Variants in C2orf49 observed in about 807,000 individuals in gnomAD.
C2orf49 encodes the protein tRNA-splicing ligase complex subunit ASW.
Under a neutral mutation model 20.6 loss-of-function variants are expected in C2orf49, and 11 were observed. The observed-to-expected ratio is 0.53, with a 90% confidence interval of 0.34 to 0.88. C2orf49 has a LOEUF of 0.88. Ranked by LOEUF, C2orf49 falls within the 40% of genes least tolerant of loss-of-function variation. The pLI is 0.02. For missense variants in C2orf49, 289 were observed against 274.2 expected (o/e 1.05, Z -0.38); for synonymous variants, 134 against 108.5 (o/e 1.24, Z -1.46).
At chr2:105,340,250 A>G (rs912403992) in intron 2 of C2orf49, among the ~76,000 whole-genome samples, 2 of 152,206 alleles carry the variant, frequency 1.3e-5, no homozygotes, top group African/African-American at 4.8e-5. Flanking sequence ...AAGTCATTGT[A>G]AGGACTTTGG....
downstream of C2orf49, among the ~76,000 whole-genome samples, chr2:105,354,051 C>T (rs1294802762): frequency 6.6e-6 from 1 of 152,168 alleles, no homozygotes; most frequent in East Asian, 1.9e-4. Flanking sequence ...ACATATACCT[C>T]GGGCTTCATT....
At chr2:105,375,646 T>C in the C2orf49 span, 1 of 152,100 alleles carries the variant, frequency 6.6e-6, no homozygotes, top group African/African-American at 2.4e-5. Context: ...GAGCATAGAG[T>C]GCTCTCAAAG....
At chr2:105,374,154 A>T in the C2orf49 span, 6 of 255,810 alleles carry the variant, frequency 2.3e-5, no homozygotes, top group Non-Finnish European at 4.6e-5. Flanking sequence ...CACTGTGGTC[A>T]CCGGCATGGC....
chr2:105,339,743 C>T lies in C2orf49; in HGVS notation c.260C>T (p.Thr87Ile), dbSNP rs1679615875. 3.8e-6 allele frequency: 6 copies of T among 1,584,450 alleles called. No individual in the cohort carries two copies. Among genetic ancestry groups the T allele is most frequent in the Non-Finnish European group, 5.1e-6 (6 of 1,171,456 alleles). ...KREQHEIKNETKRSSTVDGLR... is the reference protein window; with the variant it reads ...KREQHEIKNEIKRSSTVDGLR... ...GAACAACATGAGATTAAAAATGAGA[C>T]TAAAAGGTACTTTTTGGTGGTTCTA... Residue 87 changes from threonine to isoleucine, a missense_variant, in exon 2 of 4, where the codon ACT (threonine) becomes ATT (isoleucine). Coordinates refer to ENST00000258457, the MANE Select transcript of C2orf49 (RefSeq NM_024093.3).
At chr2:105,349,496 A>G (rs897356978), downstream of C2orf49, among the ~76,000 whole-genome samples, 1 of 152,178 alleles carries the variant, frequency 6.6e-6, no homozygotes, top group African/African-American at 2.4e-5. Context: ...AGTGCATTTT[A>G]CTAACTAAAG....
chr2:105,374,109 C>T, the C2orf49 span: 430 of 301,062 alleles, frequency 1.4e-3, 4 homozygotes, highest in African/African-American at 8.7e-3. Context: ...GACTGCAGGA[C>T]ATCCTTGGCT....
the C2orf49 span, chr2:105,359,353 T>C: frequency 6.6e-6 from 1 of 152,334 alleles, no homozygotes. Context: ...GATGAAATTA[T>C]TCTTTTTAAG....
intron 2 of C2orf49, among the ~76,000 whole-genome samples, chr2:105,341,175 C>T (rs1303307309): frequency 3.9e-5 from 6 of 152,166 alleles, no homozygotes; most frequent in Non-Finnish European, 8.8e-5. Context: ...TTTACTTTTG[C>T]TGTTATTCAG....
At chr2:105,366,676 CCTTT>C in the C2orf49 span, among the ~76,000 whole-genome samples, 12 of 152,198 alleles carry the variant, frequency 7.9e-5, no homozygotes, top group African/African-American at 2.9e-4. Context: ...TATGCAGTTC[CCTTT>C]CTTTCTTTAA....
chr2:105,367,883 A>T, the C2orf49 span: 2 of 731,562 alleles, frequency 2.7e-6, no homozygotes, highest in South Asian at 4.1e-5. Context: ...CTCTACATGG[A>T]GGTAATTCCT....
downstream of C2orf49, among the ~76,000 whole-genome samples, chr2:105,353,183 G>T (rs1268948711): frequency 6.6e-6 from 1 of 151,996 alleles, no homozygotes; most frequent in Non-Finnish European, 1.5e-5. Flanking sequence ...TGTGATAATG[G>T]TATTAATCCA....
At chr2:105,368,072 A>T in the C2orf49 span, among the ~76,000 whole-genome samples, 14 of 152,226 alleles carry the variant, frequency 9.2e-5, no homozygotes, top group African/African-American at 3.4e-4. Context: ...GAAGTGTGGC[A>T]TAGCTCCGAT....
chr2:105,340,869 A>G (rs978544112), intron 2 of C2orf49, among the ~76,000 whole-genome samples: 1 of 152,218 alleles, frequency 6.6e-6, no homozygotes, highest in African/African-American at 2.4e-5. Context: ...CACTAGAAGC[A>G]GTGAGAGAAG....
the C2orf49 span, among the ~76,000 whole-genome samples, chr2:105,379,351 C>G: frequency 2.0e-5 from 3 of 152,174 alleles, no homozygotes; most frequent in Non-Finnish European, 4.4e-5. Flanking sequence ...CTTGCTGAAC[C>G]TACATTTCCT....
chr2:105,381,448 C>T, the C2orf49 span, among the ~76,000 whole-genome samples: 6 of 152,084 alleles, frequency 3.9e-5, no homozygotes, highest in African/African-American at 7.2e-5. Context: ...GTCCCCTTCG[C>T]GCAGCTTGTC....
the C2orf49 span, among the ~76,000 whole-genome samples, chr2:105,356,495 A>G: frequency 6.6e-6 from 1 of 152,132 alleles, no homozygotes; most frequent in African/African-American, 2.4e-5. Flanking sequence ...AGATCACTTG[A>G]GCCCAGAAGT....
At chr2:105,365,942 C>T in the C2orf49 span, among the ~76,000 whole-genome samples, 6,678 of 152,068 alleles carry the variant, frequency 0.044, 504 homozygotes, top group African/African-American at 0.15. Context: ...TGGTGGCTCA[C>T]GCCTGTAATC....
At chr2:105,341,337 T>C (rs1679664765) in intron 2 of C2orf49, among the ~76,000 whole-genome samples, 2 of 152,222 alleles carry the variant, frequency 1.3e-5, no homozygotes, top group Admixed American at 1.3e-4. Flanking sequence ...TGACTCTATT[T>C]TTTAAATACA....
rs913330594 is a variant in C2orf49 at position 105,348,306 on chromosome 2, G to C, written c.*2935G>C. On this transcript the variant is annotated 3_prime_UTR_variant, in exon 4 of 4. Coordinates refer to ENST00000258457, the MANE Select transcript of C2orf49 (RefSeq NM_024093.3). ...TTTCCAAAGCAGCCTAATTCATCTG[G>C]ACAGCTACCAGGCACTTTGGAAAGT... 6.6e-6 allele frequency: 1 copy of C among 152,114 alleles called. No homozygotes were observed. The highest frequency in any genetic ancestry group is 2.4e-5 in the African/African-American group (1 of 41,420). The allele number at this position is 152,114 out of a possible 1,614,324, so 9.4% of individuals were successfully genotyped here. A position where few individuals can be genotyped will look rare whatever the true frequency, so the allele number is the denominator to read the frequency against.
Sources: gnomAD v4.1 joint callset for allele counts (sites outside exome capture counted in the v4.1 genomes callset) on GRCh38, gnomAD v4.1.1 for gene constraint, MANE v1.5 for transcripts, NCBI Gene and HGNC (gene_info 2026-07-23, HGNC 2026-07-21) for gene names.